Variants in FLT1 observed in about 807,000 individuals in gnomAD.
The protein encoded by FLT1 is fms related receptor tyrosine kinase 1.
A neutral mutation model predicts 156.3 loss-of-function variants in FLT1; 49 were observed. The ratio of observed to expected loss-of-function variants is 0.31; its 90% CI spans 0.25 to 0.40. The LOEUF (loss-of-function observed/expected upper bound fraction) is 0.40, where lower values mean the gene tolerates loss of function less well. Among genes scored for constraint, FLT1 ranks in the 10% least tolerant of loss-of-function variants. The probability of loss-of-function intolerance (pLI) is 1.00; values close to 1 mark genes in which losing one functional copy is unlikely to be tolerated. For synonymous variants in FLT1, 594 were observed against 583.8 expected, an observed-to-expected ratio of 1.02 and a Z score of -0.25; for missense variants, 1,322 against 1,637.2, an observed-to-expected ratio of 0.81 and a Z score of 3.32.
In FLT1 at chr13:28,386,795, ATTAT is replaced by A. The variant is rs569246424; in HGVS notation, c.1970-1768_1970-1765del. 4.6e-5 allele frequency: 48 copies of A among 1,053,492 alleles called. No individual in the cohort carries two copies. The South Asian group carries it at 1.8e-3, about 40-fold the overall frequency. 65.3% of individuals were successfully genotyped at this position (1,053,492 alleles called of 1,614,324 possible). A position where few individuals can be genotyped will look rare whatever the true frequency, so the allele number is the denominator to read the frequency against. On this transcript the variant is annotated intron_variant, in intron 13 of 29. Transcript: ENST00000282397. The stretch of plus-strand genomic sequence containing the variant: ...AGATCATAAAGAACAGTATCATATT[ATTAT>A]TTAGTCGCTTTTACAGTGGCAAGCC...
chr13:28,438,254 A>G lies in FLT1; in HGVS notation c.480T>C (p.Val160=), dbSNP rs147249852. Residue 160 remains valine (V), a synonymous_variant, in exon 4 of 30, where the codon GTT becomes GTC. Coordinates refer to ENST00000282397, the MANE Select transcript of FLT1 (RefSeq NM_002019.4). ...AAGTAACAGTGATGTTAGGTGACGT[A>G]ACCCGGCAGGGAATGACGAGCTCCC... The part of the protein sequence containing the change: ...EGRELVIPCR[V]TSPNITVTLK... 1 of 1,613,900 alleles carries G rather than the reference A, an allele frequency of 6.2e-7. No individual in the cohort carries two copies. The highest frequency in any genetic ancestry group is 1.3e-5 in the African/African-American group (1 of 74,944).
intron 13 of FLT1, chr13:28,386,027 C>T: frequency 9.5e-7 from 1 of 1,052,602 alleles, no homozygotes; most frequent in Non-Finnish European, 1.1e-6. Flanking sequence ...AATCCTGGAA[C>T]AGAAATCAAA....
chr13:28,479,459 T>A (rs990696067), intron 1 of FLT1, among the ~76,000 whole-genome samples: 1 of 152,204 alleles, frequency 6.6e-6, no homozygotes, highest in Non-Finnish European at 1.5e-5. Context: ...TCTTAAGATA[T>A]CCTTCACGTA....
intron 3 of FLT1, among the ~76,000 whole-genome samples, chr13:28,465,973 G>C (rs778603731): frequency 6.6e-6 from 1 of 152,220 alleles, no homozygotes; most frequent in African/African-American, 2.4e-5. Context: ...TATTGATGCT[G>C]ATGGTTGGTT....
chr13:28,313,833 A>G (rs1871099227), intron 25 of FLT1, among the ~76,000 whole-genome samples: 1 of 148,758 alleles, frequency 6.7e-6, no homozygotes, highest in Admixed American at 6.8e-5. Flanking sequence ...GTATATTTCT[A>G]TTTTGTTTCA....
chr13:28,322,781 A>G lies in FLT1; in HGVS notation c.2953+9T>C. ...TCAGCGCGTAGGACAGGAAGGAATT[A>G]ATACCTACCCTCCTCTTCCTCAACA... On this transcript the variant is annotated intron_variant, in intron 21 of 29. Coordinates refer to ENST00000282397, the MANE Select transcript of FLT1 (RefSeq NM_002019.4). The surrounding 1 kb of genome is among the most constrained non-coding windows in gnomAD (Gnocchi z 4.3). 6.2e-7 allele frequency: 1 copy of G among 1,610,880 alleles called. No individual in the cohort carries two copies. The highest frequency in any genetic ancestry group is 1.3e-5 in the African/African-American group (1 of 74,998).
intron 1 of FLT1, among the ~76,000 whole-genome samples, chr13:28,488,610 G>C (rs942801595): frequency 6.6e-6 from 1 of 152,182 alleles, no homozygotes; most frequent in East Asian, 1.9e-4. Flanking sequence ...GTATGATGTG[G>C]GAATGTGCAG....
At chr13:28,323,985 C>G (rs1273280278) in intron 20 of FLT1, among the ~76,000 whole-genome samples, 2 of 152,160 alleles carry the variant, frequency 1.3e-5, no homozygotes, top group Non-Finnish European at 2.9e-5. Flanking sequence ...GTTCATTTGG[C>G]TCTTCCATTA....
chr13:28,351,849 A>C (rs373067801), intron 15 of FLT1, among the ~76,000 whole-genome samples: 16 of 152,340 alleles, frequency 1.1e-4, no homozygotes, highest in African/African-American at 3.6e-4. Flanking sequence ...CTTTTGTTGA[A>C]ATGGAATTTG....
intron 4 of FLT1, among the ~76,000 whole-genome samples, chr13:28,434,548 C>T (rs1403257918): frequency 2.6e-5 from 4 of 152,118 alleles, no homozygotes; most frequent in African/African-American, 2.4e-5. Flanking sequence ...CTTTGGCCTC[C>T]GGGAATCTTC....
intron 10 of FLT1, among the ~76,000 whole-genome samples, chr13:28,417,282 G>A (rs1004285496): frequency 2.6e-5 from 4 of 152,162 alleles, no homozygotes; most frequent in African/African-American, 7.2e-5. Flanking sequence ...TCTCTGGCAA[G>A]TTCTTTTCAA....
chr13:28,426,130 CTTTT>C (rs113958200), intron 10 of FLT1, among the ~76,000 whole-genome samples: 4 of 131,122 alleles, frequency 3.1e-5, no homozygotes, highest in African/African-American at 5.6e-5. Flanking sequence ...TCCTGTCAAT[CTTTT>C]TTTTTTTTTT....
chr13:28,448,470 A>C (rs779341197), intron 3 of FLT1, among the ~76,000 whole-genome samples: 5 of 152,246 alleles, frequency 3.3e-5, no homozygotes, highest in Non-Finnish European at 7.3e-5. Flanking sequence ...ACATGAAAGA[A>C]CCTCAAAAAT....
At chr13:28,384,324 C>A (rs1030687546) in intron 14 of FLT1, among the ~76,000 whole-genome samples, 4 of 151,806 alleles carry the variant, frequency 2.6e-5, no homozygotes, top group African/African-American at 9.7e-5. Flanking sequence ...GTAGTCCCAA[C>A]TACTTGCCCA....
intron 14 of FLT1, among the ~76,000 whole-genome samples, chr13:28,365,358 C>T (rs114489281): frequency 4.0e-5 from 6 of 149,306 alleles, no homozygotes; most frequent in African/African-American, 1.5e-4. Flanking sequence ...TGTAGAACTC[C>T]CTTTTTTTTT....
chr13:28,367,361 G>A (rs1873338758), intron 14 of FLT1, among the ~76,000 whole-genome samples: 1 of 152,164 alleles, frequency 6.6e-6, no homozygotes, highest in African/African-American at 2.4e-5. Context: ...CTCAGTGTGA[G>A]GATTTGAATT....
chr13:28,408,982 G>C (rs1242323074), intron 10 of FLT1, among the ~76,000 whole-genome samples: 4 of 152,216 alleles, frequency 2.6e-5, no homozygotes, highest in Admixed American at 2.6e-4. Context: ...TTTCGGACTA[G>C]AGATTGATAT....
chr13:28,468,156 C>T (rs143262183), intron 1 of FLT1, among the ~76,000 whole-genome samples: 1 of 152,104 alleles, frequency 6.6e-6, no homozygotes, highest in Non-Finnish European at 1.5e-5. Context: ...CAATCATTTC[C>T]CTTTCTGAAC....
At chr13:28,391,296 A>C (rs371153810) in intron 12 of FLT1, among the ~76,000 whole-genome samples, 1 of 152,208 alleles carries the variant, frequency 6.6e-6, no homozygotes, top group Non-Finnish European at 1.5e-5. Context: ...GGGACCCCAA[A>C]ATCACTAAGC....
Sources: gnomAD v4.1 joint callset for allele counts (sites outside exome capture counted in the v4.1 genomes callset) on GRCh38, gnomAD v4.1.1 for gene constraint, Gnocchi (gnomAD v3.1) non-coding constraint, MANE v1.5 for transcripts, NCBI Gene and HGNC (gene_info 2026-07-23, HGNC 2026-07-21) for gene names.